Variants in AADAT observed in about 807,000 individuals in gnomAD.
AADAT encodes aminoadipate aminotransferase.
A neutral mutation model predicts 56.2 loss-of-function variants in AADAT; 25 were observed. That is an observed-to-expected ratio of 0.44 (90% CI 0.32 to 0.62). The LOEUF (loss-of-function observed/expected upper bound fraction) is 0.62, where lower values mean the gene tolerates loss of function less well. AADAT is among the 20% of genes least tolerant of loss of function. The probability of loss-of-function intolerance (pLI) is 0.04; values close to 1 mark genes in which losing one functional copy is unlikely to be tolerated. For synonymous variants in AADAT, 173 were observed against 164.7 expected, an observed-to-expected ratio of 1.05 and a Z score of -0.39; for missense variants, 387 against 510.5, an observed-to-expected ratio of 0.76 and a Z score of 2.33.
At chr4:170,064,639 T>C in intron 11 of AADAT, 80 bp downstream of exon 11, 1 of 1,048,056 alleles carries the variant, frequency 9.5e-7, no homozygotes, top group Non-Finnish European at 1.4e-6. Context: ...AACATTTCTT[T>C]CCATTCTATT....
chr4:170,086,157 ATTGTT>A (rs1732549454), intron 3 of AADAT, among the ~76,000 whole-genome samples: 1 of 151,976 alleles, frequency 6.6e-6, no homozygotes, highest in South Asian at 2.1e-4. Flanking sequence ...AGGTGGAAGA[ATTGTT>A]GGAGCCCAGG....
At chr4:170,064,036 A>G (rs528734469) in intron 11 of AADAT, among the ~76,000 whole-genome samples, 175 of 152,324 alleles carry the variant, frequency 1.1e-3, no homozygotes, top group African/African-American at 4.2e-3. Context: ...ACTTTTCTGT[A>G]TAATTTTAAC....
chr4:170,091,107 C>T (rs1028716313), upstream of AADAT, among the ~76,000 whole-genome samples: 1 of 152,256 alleles, frequency 6.6e-6, no homozygotes, highest in Non-Finnish European at 1.5e-5. Flanking sequence ...GGCGCCTCCT[C>T]GGCCTCAGCG....
chr4:170,063,451 T>C (rs149703752), intron 11 of AADAT, among the ~76,000 whole-genome samples: 17 of 152,380 alleles, frequency 1.1e-4, no homozygotes, highest in Middle Eastern at 3.4e-3. Context: ...ATTTTGAGGA[T>C]AATGGCATTG....
rs1310064861 is a variant in AADAT at position 170,083,034 on chromosome 4, T to A, written c.369+4082A>T. On this transcript the variant is annotated intron_variant, in intron 3 of 12. Transcript: ENST00000337664. ...CAGTGAGATAAAACTACATACTAGA[T>A]CTAATAGACCTAGTAGACAGTTACA... Among the ~76,000 whole-genome samples, 11 of 149,978 alleles carry A rather than the reference T, an allele frequency of 7.3e-5. No individual in the cohort carries two copies. The Admixed American group carries it at 7.4e-4, about 10-fold the overall frequency.
chr4:170,085,854 C>T (rs1204036236), intron 3 of AADAT, among the ~76,000 whole-genome samples: 7 of 151,788 alleles, frequency 4.6e-5, no homozygotes, highest in African/African-American at 1.7e-4. Flanking sequence ...AATTAAAATT[C>T]ATTAAAGCAA....
upstream of AADAT, among the ~76,000 whole-genome samples, chr4:170,092,445 G>A (rs770231438): frequency 6.6e-6 from 1 of 152,218 alleles, no homozygotes; most frequent in Admixed American, 6.5e-5. Flanking sequence ...CCAGAAGGAA[G>A]AAACTCCCAA....
In AADAT at chr4:170,088,248, T is replaced by A. The variant is rs181528177; in HGVS notation, c.236+148A>T. The A allele has an allele frequency of 2.7e-3, 1,942 of 730,344 alleles. 11 individuals are homozygous for A. Among genetic ancestry groups the A allele is most frequent in the Non-Finnish European group, 2.2e-3 (1,031 of 479,384 alleles). The allele number at this position is 730,344 out of a possible 1,614,324, so 45.2% of individuals were successfully genotyped here. On this transcript the variant is annotated intron_variant, in intron 2 of 12. Coordinates refer to ENST00000337664, the MANE Select transcript of AADAT (RefSeq NM_016228.4). The stretch of plus-strand genomic sequence containing the variant: ...TGGTTAGTATTCAATGACTGAGTAT[T>A]TGGTCATTGAATGACCAAATGGGTC...
At chr4:170,080,230 G>C (rs142999740) in intron 3 of AADAT, among the ~76,000 whole-genome samples, 41 of 152,240 alleles carry the variant, frequency 2.7e-4, no homozygotes, top group African/African-American at 9.6e-4. Context: ...CAGTTCCTAG[G>C]ACTACAGAGA....
intron 7 of AADAT, 79 bp downstream of exon 7, chr4:170,069,069 T>A: frequency 8.1e-7 from 1 of 1,239,638 alleles, no homozygotes; most frequent in Admixed American, 2.6e-5. Flanking sequence ...GTGAAAAAAA[T>A]TGTCTAGACT....
intron 9 of AADAT, 76 bp downstream of exon 9, chr4:170,067,251 A>G: frequency 9.3e-7 from 1 of 1,071,494 alleles, no homozygotes; most frequent in South Asian, 1.4e-5. Context: ...AGAATAAATC[A>G]ATACTGTAGG....
At chr4:170,081,949 T>C (rs944985049) in intron 3 of AADAT, among the ~76,000 whole-genome samples, 2 of 152,172 alleles carry the variant, frequency 1.3e-5, no homozygotes, top group South Asian at 2.1e-4. Context: ...AGATAAAGTC[T>C]TTCCCAGACA....
chr4:170,074,822 C>T (rs1040451119), intron 4 of AADAT, among the ~76,000 whole-genome samples: 1 of 151,846 alleles, frequency 6.6e-6, no homozygotes, highest in Non-Finnish European at 1.5e-5. Context: ...TGCTTATAGA[C>T]TTAGCTTTAT....
upstream of AADAT, chr4:170,090,417 C>T (rs374031105): frequency 3.9e-5 from 6 of 152,218 alleles, no homozygotes; most frequent in East Asian, 1.2e-3. Context: ...ATGCTAAATA[C>T]CCATCTTTCG....
intron 3 of AADAT, among the ~76,000 whole-genome samples, chr4:170,084,783 C>T (rs971001993): frequency 1.3e-5 from 2 of 152,208 alleles, no homozygotes; most frequent in Admixed American, 6.5e-5. Context: ...CGAAAAGTTT[C>T]TAATTGACTT....
At chr4:170,069,036 C>G in intron 7 of AADAT, 112 bp downstream of exon 7, 1 of 853,338 alleles carries the variant, frequency 1.2e-6, no homozygotes, top group South Asian at 2.0e-5. Context: ...TATTTTAAGA[C>G]AAGTAGACTA....
At chr4:170,068,731 A>C in intron 7 of AADAT, 44 bp from the exon 8 acceptor site, 1 of 1,244,428 alleles carries the variant, frequency 8.0e-7, no homozygotes, top group Non-Finnish European at 1.1e-6. Flanking sequence ...CCATATTAAC[A>C]ATTAATACAT....
At chr4:170,093,869 A>C (rs1490214289), upstream of AADAT, among the ~76,000 whole-genome samples, 8 of 152,198 alleles carry the variant, frequency 5.3e-5, no homozygotes, top group African/African-American at 1.9e-4. Flanking sequence ...AAGTGCTGAG[A>C]TTACAGGCAT....
intron 5 of AADAT, among the ~76,000 whole-genome samples, chr4:170,071,299 A>G (rs1397881307): frequency 1.3e-5 from 2 of 152,216 alleles, no homozygotes; most frequent in African/African-American, 2.4e-5. Context: ...TCAATCACTG[A>G]GAAGGCCTTC....
Sources: gnomAD v4.1 joint callset for allele counts (sites outside exome capture counted in the v4.1 genomes callset) on GRCh38, gnomAD v4.1.1 for gene constraint, MANE v1.5 for transcripts, NCBI Gene and HGNC (gene_info 2026-07-23, HGNC 2026-07-21) for gene names.